The following HM13 variants were observed in gnomAD, a reference collection of about 807,000 sequenced individuals.
HM13 encodes the protein signal peptide peptidase.
In HM13, 18 loss-of-function variants were observed where a neutral mutation model predicts 50.0. The observed-to-expected ratio is 0.36, with a 90% confidence interval of 0.25 to 0.53. The LOEUF (loss-of-function observed/expected upper bound fraction) is 0.53. Ranked by LOEUF, HM13 falls within the 20% of genes least tolerant of loss-of-function variation. HM13 has a pLI of 0.90. For missense variants in HM13, 393 were observed against 552.4 expected (o/e 0.71, Z 2.89); for synonymous variants, 197 against 232.6 (o/e 0.85, Z 1.39).
chr20:31,552,449 A>C (rs1984082278), intron 7 of HM13, among the ~76,000 whole-genome samples: 1 of 152,200 alleles, frequency 6.6e-6, no homozygotes. Context: ...ACTGCCCCGT[A>C]GGCCACTGGA....
At chr20:31,528,423 C>T (rs1982620460) in intron 2 of HM13, among the ~76,000 whole-genome samples, 1 of 151,944 alleles carries the variant, frequency 6.6e-6, no homozygotes, top group South Asian at 2.1e-4. Flanking sequence ...CTCAAGAGAT[C>T]CTCCTGCCTC....
intron 1 of HM13, among the ~76,000 whole-genome samples, chr20:31,519,199 T>G (rs992056865): frequency 2.6e-5 from 4 of 152,192 alleles, no homozygotes; most frequent in Non-Finnish European, 5.9e-5. Flanking sequence ...TCTCTTGGGT[T>G]CAAGCGATTC....
intron 10 of HM13, among the ~76,000 whole-genome samples, chr20:31,564,725 T>C (rs1468002998): frequency 2.0e-5 from 3 of 150,572 alleles, no homozygotes; most frequent in Non-Finnish European, 1.5e-5. Flanking sequence ...AAAATACAAA[T>C]ATTAGCCGGG....
At chr20:31,565,706 A>C (rs1984869964) in intron 10 of HM13, among the ~76,000 whole-genome samples, 1 of 152,158 alleles carries the variant, frequency 6.6e-6, no homozygotes, top group Non-Finnish European at 1.5e-5. Flanking sequence ...CAGGAGTCTC[A>C]GCACAGACAT....
intron 1 of HM13, 136 bp from the exon 2 acceptor site, chr20:31,527,348 A>C: frequency 1.6e-6 from 1 of 634,348 alleles, no homozygotes. Flanking sequence ...AAAAAAAAAA[A>C]AATGGCAAGA....
intron 12 of HM13, among the ~76,000 whole-genome samples, chr20:31,568,669 T>G (rs539250095): frequency 6.6e-6 from 1 of 152,314 alleles, no homozygotes; most frequent in Admixed American, 6.5e-5. Flanking sequence ...GTGTCTGTCT[T>G]CAGAGCAGCA....
At chr20:31,567,552 C>T (rs1365716160) in intron 11 of HM13, 2 of 152,126 alleles carry the variant, frequency 1.3e-5, no homozygotes, top group African/African-American at 4.8e-5. Context: ...ATTTCTCTCC[C>T]AATTCTCCAC....
At chr20:31,533,684 T>A (rs1982947226) in intron 2 of HM13, among the ~76,000 whole-genome samples, 1 of 152,164 alleles carries the variant, frequency 6.6e-6, no homozygotes, top group South Asian at 2.1e-4. Flanking sequence ...ATCAGTGAGA[T>A]CCCCTTTTGC....
chr20:31,562,230 G>A (rs573426668), intron 10 of HM13, among the ~76,000 whole-genome samples: 1 of 152,196 alleles, frequency 6.6e-6, no homozygotes, highest in Non-Finnish European at 1.5e-5. Flanking sequence ...GTACTGAGCT[G>A]CCACAGAATG....
At position 31,568,237 on chromosome 20, in the gene HM13, G is replaced by A. The variant is rs751857642; in HGVS notation, c.1181+13G>A. The A allele has an allele frequency of 2.8e-5, 45 of 1,610,776 alleles. No homozygotes were observed. Among genetic ancestry groups the A allele is most frequent in the South Asian group, 2.1e-4 (19 of 90,696 alleles). On this transcript the variant is annotated intron_variant, in intron 12 of 12. Transcript: ENST00000398174. ...ATCCCAGCGCCATGTAATGCCCAGC[G>A]GGTGCCCACCTGCCCGCTTCCCCCT...
intron 12 of HM13, 97 bp downstream of exon 12, chr20:31,568,321 C>A: frequency 1.4e-6 from 2 of 1,469,808 alleles, no homozygotes; most frequent in Admixed American, 4.4e-5. Flanking sequence ...GGGCAGGGAC[C>A]ATTGCCAGGA....
At chr20:31,535,662 A>G (rs1277403274) in intron 2 of HM13, 1 of 152,234 alleles carries the variant, frequency 6.6e-6, no homozygotes, top group Non-Finnish European at 1.5e-5. Flanking sequence ...TTGTAGCACT[A>G]ACATGGACCA....
At chr20:31,524,521 G>A (rs572753916) in intron 1 of HM13, among the ~76,000 whole-genome samples, 1 of 152,136 alleles carries the variant, frequency 6.6e-6, no homozygotes, top group South Asian at 2.1e-4. Context: ...ACTCCCATAG[G>A]CAGTGTGGGA....
At chr20:31,553,820 A>G (rs1568795500) in intron 7 of HM13, among the ~76,000 whole-genome samples, 1 of 152,040 alleles carries the variant, frequency 6.6e-6, no homozygotes, top group African/African-American at 2.4e-5. Flanking sequence ...TCCCTCAGCA[A>G]ATACAGAAGG....
At chr20:31,549,144 A>T in intron 5 of HM13, 30 bp downstream of exon 5, 2 of 1,613,654 alleles carry the variant, frequency 1.2e-6, no homozygotes, top group Non-Finnish European at 8.5e-7. Context: ...GCAGAAGGGG[A>T]GGATGGGGTT....
At position 31,547,439 on chromosome 20, in the gene HM13, G is replaced by A. The variant is rs1983789355; in HGVS notation, c.455-1590G>A. On this transcript the variant is annotated intron_variant, in intron 4 of 12. Transcript: ENST00000398174. ...GGCGCCCGCGCCGGCCTTCCTGCAG[G>A]GGACTCCACCGGAGCCTTGCCAATT... The A allele has an allele frequency of 7.5e-6, 4 of 531,240 alleles. No individual in the cohort carries two copies. The Admixed American group carries it at 1.5e-4, about 19-fold the overall frequency. 32.9% of individuals were successfully genotyped at this position (531,240 alleles called of 1,614,324 possible).
intron 3 of HM13, chr20:31,539,153 T>A: frequency 1.0e-6 from 1 of 985,462 alleles, no homozygotes; most frequent in Non-Finnish European, 1.2e-6. Flanking sequence ...GCTACTTTTA[T>A]TTTGGACAGG....
At chr20:31,521,621 C>T (rs1052047543) in intron 1 of HM13, among the ~76,000 whole-genome samples, 22 of 151,008 alleles carry the variant, frequency 1.5e-4, no homozygotes, top group African/African-American at 4.6e-4. Flanking sequence ...CCCAGCTACT[C>T]GGGAGGCTGA....
At chr20:31,559,301 C>T (rs1004628513) in intron 8 of HM13, among the ~76,000 whole-genome samples, 5 of 152,174 alleles carry the variant, frequency 3.3e-5, no homozygotes, top group African/African-American at 1.2e-4. Flanking sequence ...TTGCCTACTC[C>T]TACATTTCCC....
Sources: allele counts gnomAD v4.1 joint callset (sites outside exome capture counted in the v4.1 genomes callset), GRCh38; gene constraint gnomAD v4.1.1; transcripts MANE v1.5; gene names NCBI Gene and HGNC (gene_info 2026-07-23, HGNC 2026-07-21).